The following BNIP2 variants were observed in gnomAD, a reference collection of about 807,000 sequenced individuals.
The protein encoded by BNIP2 is BCL2/adenovirus E1B 19 kDa protein-interacting protein 2.
A neutral mutation model predicts 43.4 loss-of-function variants in BNIP2; 36 were observed. The observed-to-expected ratio is 0.83, with a 90% CI of 0.64 to 1.10. The LOEUF is 1.10. Among genes scored for constraint, BNIP2 ranks in the 50% least tolerant of loss-of-function variants. The probability of loss-of-function intolerance (pLI) is 0.00; values close to 1 mark genes in which losing one functional copy is unlikely to be tolerated. For missense variants in BNIP2, 417 were observed against 374.1 expected (o/e 1.11, Z -0.95); for synonymous variants, 146 against 121.0 (o/e 1.21, Z -1.35).
chr15:59,677,499 G>A lies in BNIP2; in HGVS notation c.472+412C>T, dbSNP rs1309676496. ...GAAATCTAACTCAGTATATTTCCAC[G>A]TATTATAGTGTTTTCCTTGTAAGGT... is the stretch of plus-strand genomic sequence containing the variant. On this transcript the variant is annotated intron_variant, in intron 5 of 9. Transcript: ENST00000607373. Among the ~76,000 whole-genome samples, 4 of 152,172 alleles carry A rather than the reference G, an allele frequency of 2.6e-5. 1 individual carries two copies. In the South Asian group the frequency reaches 8.3e-4, roughly 32 times the overall value.
intron 9 of BNIP2, 55 bp downstream of exon 9, chr15:59,668,837 T>C (rs1595689579): frequency 9.9e-6 from 14 of 1,416,284 alleles, no homozygotes; most frequent in Non-Finnish European, 1.4e-5. Context: ...GTATTATCCA[T>C]TGCACATCAA....
At chr15:59,686,154 C>T (rs1345258253) in intron 1 of BNIP2, among the ~76,000 whole-genome samples, 1 of 152,174 alleles carries the variant, frequency 6.6e-6, no homozygotes, top group Non-Finnish European at 1.5e-5. Context: ...ATAATTGATT[C>T]CTTCTGACAT....
At chr15:59,668,610 C>A (rs1892703711) in intron 9 of BNIP2, 2 of 302,548 alleles carry the variant, frequency 6.6e-6, no homozygotes, top group Non-Finnish European at 1.2e-5. Context: ...TTAGAGAAAT[C>A]ATCTCTTAGA....
intron 1 of BNIP2, among the ~76,000 whole-genome samples, chr15:59,687,065 A>C (rs1347795769): frequency 2.6e-5 from 4 of 152,148 alleles, no homozygotes; most frequent in African/African-American, 9.7e-5. Context: ...ATTTAGAGGA[A>C]AAACTAGAAT....
intron 1 of BNIP2, chr15:59,688,573 C>T: frequency 1.2e-6 from 1 of 830,918 alleles, no homozygotes; most frequent in Non-Finnish European, 1.9e-6. Context: ...AACCATTTTG[C>T]CAGGTATTTA....
At chr15:59,669,721 A>AGT in intron 7 of BNIP2, among the ~76,000 whole-genome samples, 1 of 152,334 alleles carries the variant, frequency 6.6e-6, no homozygotes. Context: ...ATTGGTGCTA[A>AGT]GTTCTTCAAA....
intron 1 of BNIP2, among the ~76,000 whole-genome samples, chr15:59,683,961 A>G (rs1214338710): frequency 6.6e-6 from 1 of 152,238 alleles, no homozygotes; most frequent in African/African-American, 2.4e-5. Context: ...ATTCACATCA[A>G]CCAGTCTTCT....
Position 59,678,714 on chromosome 15 carries a change from A to G in BNIP2, c.296-627T>C, listed in dbSNP as rs114690742. ...AGTTTAGCTGATTTTCAATGTAGTA[A>G]TAATTTTCAAAATTTCAGTATTATA... On this transcript the variant is annotated intron_variant, in intron 4 of 9. Coordinates refer to ENST00000607373, the MANE Select transcript of BNIP2 (RefSeq NM_004330.4). 1.3e-3 allele frequency: 1,614 copies of G among 1,231,056 alleles called. 21 individuals are homozygous for G. In the African/African-American group the frequency reaches 0.02, roughly 15 times the overall value. 76.3% of individuals were successfully genotyped at this position (1,231,056 alleles called of 1,614,324 possible).
Position 59,669,309 on chromosome 15 carries a change from C to G in BNIP2, c.761G>C (p.Arg254Thr). 1 of 1,555,904 alleles carries G rather than the reference C, an allele frequency of 6.4e-7. No individual in the cohort carries two copies. Among genetic ancestry groups the G allele is most frequent in the Non-Finnish European group, 8.6e-7 (1 of 1,158,110 alleles). The change falls in exon 8 of 10, where the codon AGA (arginine) becomes ACA (threonine). Residue 254 changes from arginine (R) to threonine (T), a missense_variant. Coordinates refer to ENST00000607373, the MANE Select transcript of BNIP2 (RefSeq NM_004330.4). ...TGGTCTTGTAACAGCCAGAAGTGTT[C>G]TGATAAACCAAGAAGGATGTACAAT... is the stretch of plus-strand genomic sequence containing the variant. ...LIIVHPSWFI[R>T]TLLAVTRPFI... is the part of the protein sequence containing the mutation.
intron 5 of BNIP2, among the ~76,000 whole-genome samples, chr15:59,674,734 T>G (rs1300982306): frequency 1.3e-5 from 2 of 152,208 alleles, no homozygotes; most frequent in Admixed American, 6.5e-5. Flanking sequence ...TGCTCTACAG[T>G]GAGTTGTGTT....
intron 1 of BNIP2, among the ~76,000 whole-genome samples, chr15:59,683,653 C>A (rs968282153): frequency 6.6e-6 from 1 of 152,120 alleles, no homozygotes; most frequent in Non-Finnish European, 1.5e-5. Flanking sequence ...CCAGTCTCTA[C>A]TAAAAATACA....
At chr15:59,665,172 G>A (rs1283789096) in intron 9 of BNIP2, among the ~76,000 whole-genome samples, 2 of 151,850 alleles carry the variant, frequency 1.3e-5, no homozygotes, top group African/African-American at 2.4e-5. Context: ...GCTGAGGTAG[G>A]AGAACCGCTT....
At chr15:59,674,315 CCTTT>C (rs1893131401) in intron 5 of BNIP2, among the ~76,000 whole-genome samples, 1 of 152,092 alleles carries the variant, frequency 6.6e-6, no homozygotes, top group Non-Finnish European at 1.5e-5. Flanking sequence ...ATCTTCACTA[CCTTT>C]CTTAATCACT....
chr15:59,679,378 T>C (rs1452431730), intron 4 of BNIP2: 2 of 418,724 alleles, frequency 4.8e-6, no homozygotes, highest in African/African-American at 2.1e-5. Context: ...TTGAAACAGC[T>C]ATGAAAAAAA....
chr15:59,669,192 A>G (rs759810592), intron 8 of BNIP2, 84 bp downstream of exon 8: 26 of 1,118,228 alleles, frequency 2.3e-5, no homozygotes, highest in Non-Finnish European at 2.9e-5. Context: ...TCTGTATCCC[A>G]TAAGTATGTA....
intron 5 of BNIP2, 128 bp downstream of exon 5, chr15:59,677,783 G>C: frequency 2.4e-6 from 3 of 1,240,994 alleles, no homozygotes; most frequent in Non-Finnish European, 3.2e-6. Context: ...TACAAAAGAC[G>C]AGTCTCTCAA....
intron 2 of BNIP2, 40 bp from the exon 3 acceptor site, chr15:59,680,348 AAAG>A: frequency 6.6e-7 from 1 of 1,505,030 alleles, no homozygotes; most frequent in South Asian, 1.3e-5. Context: ...AGAAATTAAG[AAAG>A]AATTTTTTTT....
Position 59,669,273 on chromosome 15 carries a change from TA to T in BNIP2, c.794+2del. ...ATTAAAGTCAATGGCTCTCAAAAAT[TA>T]CCTAATAAATGGTCTTGTAACAGCC... On this transcript the variant is annotated splice_donor_variant, in intron 8 of 9. Coordinates refer to ENST00000607373, the MANE Select transcript of BNIP2 (RefSeq NM_004330.4). LOFTEE classifies it high-confidence loss of function. 1 of 1,532,436 alleles carries T rather than the reference TA, an allele frequency of 6.5e-7. No homozygotes were observed. The allele number at this position is 1,532,436 out of a possible 1,614,324, so 94.9% of individuals were successfully genotyped here.
At chr15:59,674,558 C>T (rs1893147908) in intron 5 of BNIP2, among the ~76,000 whole-genome samples, 1 of 152,092 alleles carries the variant, frequency 6.6e-6, no homozygotes, top group Non-Finnish European at 1.5e-5. Context: ...AATGCAACTA[C>T]AAATATTCAT....
Sources: allele counts gnomAD v4.1 joint callset (sites outside exome capture counted in the v4.1 genomes callset), GRCh38; gene constraint gnomAD v4.1.1; transcripts MANE v1.5; gene names NCBI Gene and HGNC (gene_info 2026-07-23, HGNC 2026-07-21).